LUZP2: variants seen among roughly 807,000 people sequenced by gnomAD.
LUZP2 encodes leucine zipper protein 2.
Under a neutral mutation model 51.6 loss-of-function variants are expected in LUZP2, and 52 were observed. That is an observed-to-expected ratio of 1.01 (90% CI 0.81 to 1.27). The LOEUF is 1.27. LUZP2 is among the 50% of genes most tolerant of loss of function. The probability of loss-of-function intolerance (pLI) is 0.00; values close to 1 mark genes in which losing one functional copy is unlikely to be tolerated. For missense variants in LUZP2, 436 were observed against 395.4 expected (o/e 1.10, Z -0.87); for synonymous variants, 154 against 137.3 (o/e 1.12, Z -0.85).
At chr11:24,849,666 G>T (rs998330391) in intron 5 of LUZP2, among the ~76,000 whole-genome samples, 1 of 152,106 alleles carries the variant, frequency 6.6e-6, no homozygotes, top group Admixed American at 6.5e-5. Context: ...GGGTAAAATG[G>T]TATTTCTTGT....
At chr11:24,607,157 T>C (rs1363213714) in intron 1 of LUZP2, among the ~76,000 whole-genome samples, 4 of 151,868 alleles carry the variant, frequency 2.6e-5, no homozygotes, top group Non-Finnish European at 5.9e-5. Context: ...TCCAATCATT[T>C]ATTTTTTATT....
At chr11:24,890,366 T>C (rs1012317877) in intron 5 of LUZP2, among the ~76,000 whole-genome samples, 1 of 152,202 alleles carries the variant, frequency 6.6e-6, no homozygotes, top group Non-Finnish European at 1.5e-5. Flanking sequence ...ATTCAAATTC[T>C]AGCAGATCCT....
chr11:24,527,905 A>C (rs912485287), intron 1 of LUZP2, among the ~76,000 whole-genome samples: 2 of 151,314 alleles, frequency 1.3e-5, no homozygotes, highest in African/African-American at 4.8e-5. Context: ...TGTGATTTAT[A>C]ATTGGTAGTG....
chr11:24,657,992 G>C (rs188209703), intron 1 of LUZP2, among the ~76,000 whole-genome samples: 333 of 152,114 alleles, frequency 2.2e-3, no homozygotes, highest in Non-Finnish European at 3.8e-3. Flanking sequence ...GAAAATGGCC[G>C]TACTGCCCAA....
intron 1 of LUZP2, among the ~76,000 whole-genome samples, chr11:24,539,756 G>C (rs1194886053): frequency 6.6e-6 from 1 of 151,998 alleles, no homozygotes; most frequent in Non-Finnish European, 1.5e-5. Context: ...CCACCATTTT[G>C]TGGGAGAAAT....
intron 9 of LUZP2, among the ~76,000 whole-genome samples, chr11:25,019,013 A>G (rs1478378142): frequency 6.6e-6 from 1 of 152,134 alleles, no homozygotes; most frequent in African/African-American, 2.4e-5. Flanking sequence ...CCTCCTCTCA[A>G]CATGCAGCCT....
intron 8 of LUZP2, 69 bp from the exon 9 acceptor site, chr11:24,983,057 G>A (rs1438829207): frequency 4.7e-6 from 7 of 1,486,362 alleles, no homozygotes; most frequent in Non-Finnish European, 6.5e-6. Flanking sequence ...TAAGAGGAAA[G>A]GGAGAATGCA....
At chr11:24,990,562 A>C (rs1463925127) in intron 9 of LUZP2, among the ~76,000 whole-genome samples, 1 of 152,042 alleles carries the variant, frequency 6.6e-6, no homozygotes, top group East Asian at 1.9e-4. Flanking sequence ...TGAAGACTGG[A>C]AAACCATTTA....
intron 9 of LUZP2, among the ~76,000 whole-genome samples, chr11:25,045,734 T>G (rs1858284971): frequency 6.6e-6 from 1 of 152,158 alleles, no homozygotes. Flanking sequence ...TCTTTTGAGC[T>G]TTCATAACTG....
chr11:24,965,648 T>G (rs1855559843), intron 7 of LUZP2, among the ~76,000 whole-genome samples: 1 of 151,854 alleles, frequency 6.6e-6, no homozygotes, highest in Admixed American at 6.6e-5. Flanking sequence ...ACTAGTATGA[T>G]AATTTTACAT....
intron 1 of LUZP2, among the ~76,000 whole-genome samples, chr11:24,672,210 A>G (rs1856421527): frequency 1.3e-5 from 2 of 152,156 alleles, no homozygotes; most frequent in Admixed American, 6.5e-5. Context: ...TTACTGAAGT[A>G]GATTTTCTAC....
chr11:24,876,099 TG>T (rs1852252569), intron 5 of LUZP2, among the ~76,000 whole-genome samples: 1 of 151,826 alleles, frequency 6.6e-6, no homozygotes, highest in African/African-American at 2.4e-5. Flanking sequence ...CAGAAGCTCT[TG>T]AGTTTAATTA....
intron 1 of LUZP2, among the ~76,000 whole-genome samples, chr11:24,708,066 T>C (rs1183990962): frequency 6.6e-6 from 1 of 152,040 alleles, no homozygotes; most frequent in Admixed American, 6.6e-5. Flanking sequence ...TAGCAGGTAA[T>C]TGGAATGAGG....
intron 8 of LUZP2, among the ~76,000 whole-genome samples, chr11:24,981,640 G>A (rs1487244111): frequency 1.3e-5 from 2 of 151,784 alleles, no homozygotes; most frequent in Non-Finnish European, 2.9e-5. Context: ...ACCTAACAAG[G>A]CCCAGAGGAA....
In LUZP2 at chr11:24,645,423, T is replaced by C. The variant is rs79549572; in HGVS notation, c.63-83746T>C. 3.2e-4 allele frequency among the ~76,000 whole-genome samples: 49 copies of C among 152,290 alleles called. No homozygotes were observed. In the East Asian group the frequency reaches 6.6e-3, roughly 20 times the overall value. On this transcript the variant is annotated intron_variant, in intron 1 of 11. Coordinates refer to ENST00000336930, the MANE Select transcript of LUZP2 (RefSeq NM_001009909.4). ...TGGTATTGAACATGCAGTCTTATAG[T>C]CACTCATGTTCCTTTAAAATATAGA...
At chr11:24,602,208 GTA>G (rs1432049293) in intron 1 of LUZP2, among the ~76,000 whole-genome samples, 9 of 55,898 alleles carry the variant, frequency 1.6e-4, no homozygotes, top group East Asian at 3.4e-4. Context: ...ACATATATGT[GTA>G]TATATGTATA....
chr11:24,882,690 A>G (rs1312158976), intron 5 of LUZP2, among the ~76,000 whole-genome samples: 1 of 151,956 alleles, frequency 6.6e-6, no homozygotes, highest in Non-Finnish European at 1.5e-5. Context: ...ACCCTTTCAT[A>G]TGGGCTTCTT....
chr11:24,874,119 G>C (rs149838012), intron 5 of LUZP2, among the ~76,000 whole-genome samples: 186 of 152,214 alleles, frequency 1.2e-3, no homozygotes, highest in African/African-American at 4.3e-3. Flanking sequence ...TTGTGTGTGC[G>C]TAAGACTCAC....
intron 5 of LUZP2, among the ~76,000 whole-genome samples, chr11:24,764,694 A>T (rs1427154487): frequency 6.6e-6 from 1 of 151,862 alleles, no homozygotes; most frequent in Non-Finnish European, 1.5e-5. Context: ...AATAAAAATT[A>T]GAACAACAAC....
Sources: allele counts gnomAD v4.1 joint callset (sites outside exome capture counted in the v4.1 genomes callset), GRCh38; gene constraint gnomAD v4.1.1; transcripts MANE v1.5; gene names NCBI Gene and HGNC (gene_info 2026-07-23, HGNC 2026-07-21).